Variants in DENND4C observed in about 807,000 individuals in gnomAD.
DENND4C encodes the protein DENN domain containing 4C, also known as DENN domain-containing protein 4C.
A neutral mutation model predicts 203.0 loss-of-function variants in DENND4C; 108 were observed. The ratio of observed to expected loss-of-function variants is 0.53; its 90% CI spans 0.46 to 0.62. DENND4C has a LOEUF of 0.62. Ranked by LOEUF, DENND4C falls within the 20% of genes least tolerant of loss-of-function variation. The pLI is 0.00. For synonymous variants in DENND4C, 871 were observed against 792.4 expected (o/e 1.10, Z -1.67); for missense variants, 2,481 against 2,301.2 (o/e 1.08, Z -1.60).
chr9:19,351,680 G>T (rs777125662), intron 24 of DENND4C, among the ~76,000 whole-genome samples: 1 of 151,788 alleles, frequency 6.6e-6, no homozygotes, highest in Non-Finnish European at 1.5e-5. Flanking sequence ...GGCAGCGTGC[G>T]CCTGTAATCC....
intron 1 of DENND4C, among the ~76,000 whole-genome samples, chr9:19,242,401 A>G (rs1456543138): frequency 6.6e-6 from 1 of 152,200 alleles, no homozygotes; most frequent in East Asian, 1.9e-4. Flanking sequence ...GTTTTGTGTA[A>G]CTATAAGTTT....
intron 1 of DENND4C, among the ~76,000 whole-genome samples, chr9:19,235,193 G>T (rs2131348834): frequency 6.6e-6 from 1 of 151,932 alleles, no homozygotes; most frequent in African/African-American, 2.4e-5. Flanking sequence ...TTGAACTCCT[G>T]ACCTCAGGTG....
chr9:19,327,069 G>C (rs1050781072), intron 15 of DENND4C, among the ~76,000 whole-genome samples: 12 of 152,208 alleles, frequency 7.9e-5, no homozygotes, highest in African/African-American at 2.9e-4. Context: ...GACTGGATCA[G>C]AATGAGGAAT....
rs746655709 is a variant in DENND4C at position 19,316,524 on chromosome 9, T to G, written c.1588+7T>G. On this transcript the variant is annotated splice_region_variant and intron_variant, in intron 11 of 32. Transcript: ENST00000434457. ...TATCCCCAGCTGTCTTCAGGTAATG[T>G]GAGGGAAAAGGAATATTATTAATGA... The G allele has an allele frequency of 6.2e-7, 1 of 1,610,128 alleles. No homozygotes were observed. Among genetic ancestry groups the G allele is most frequent in the South Asian group, 1.1e-5 (1 of 90,288 alleles).
chr9:19,309,223 G>T (rs1305737355), intron 10 of DENND4C, among the ~76,000 whole-genome samples: 1 of 152,106 alleles, frequency 6.6e-6, no homozygotes, highest in African/African-American at 2.4e-5. Context: ...GGGAGTTTGA[G>T]ACCAGCCTGA....
chr9:19,314,730 A>G (rs916301938), intron 10 of DENND4C, among the ~76,000 whole-genome samples: 1 of 152,256 alleles, frequency 6.6e-6, no homozygotes, highest in East Asian at 1.9e-4. Context: ...CATTTCATTA[A>G]TAAAGGTACA....
chr9:19,330,066 A>G (rs992390371), intron 16 of DENND4C, among the ~76,000 whole-genome samples: 4 of 152,322 alleles, frequency 2.6e-5, no homozygotes, highest in Admixed American at 1.3e-4. Context: ...CTAATTTCAT[A>G]CAGTTCATAT....
chr9:19,339,883 G>A (rs765770525), intron 20 of DENND4C, among the ~76,000 whole-genome samples: 3 of 151,906 alleles, frequency 2.0e-5, no homozygotes, highest in Non-Finnish European at 2.9e-5. Context: ...TTATCAGTAT[G>A]GACTGATGTA....
chr9:19,319,286 TTG>T (rs1302797054), intron 12 of DENND4C, among the ~76,000 whole-genome samples: 3 of 145,714 alleles, frequency 2.1e-5, no homozygotes, highest in East Asian at 3.9e-4. Flanking sequence ...ATATAAACAT[TTG>T]TGTGTATATA....
At chr9:19,289,086 G>A (rs1050911882) in intron 4 of DENND4C, among the ~76,000 whole-genome samples, 3 of 152,270 alleles carry the variant, frequency 2.0e-5, no homozygotes, top group African/African-American at 4.8e-5. Flanking sequence ...TACTTGCCAT[G>A]AAAGGTGGAC....
rs530012263 is a variant in DENND4C at position 19,271,866 on chromosome 9, T to C, written c.-17-4292T>C. Among the ~76,000 whole-genome samples, 369 of 138,842 alleles carry C rather than the reference T, an allele frequency of 2.7e-3. 1 individual carries two copies. The highest frequency in any genetic ancestry group is 9.8e-3 in the African/African-American group (360 of 36,588). 91.1% of individuals were successfully genotyped at this position (138,842 alleles called of 152,430 possible). A position where few individuals can be genotyped will look rare whatever the true frequency, so the allele number is the denominator to read the frequency against. On this transcript the variant is annotated intron_variant, in intron 1 of 32. Transcript: ENST00000434457. ...CCTGGGCAAAAAGAGTGAAACTCTG[T>C]CTCAAAAAAAAAAAAAAAAAGAGAA...
chr9:19,272,966 T>G (rs550586187), intron 1 of DENND4C, among the ~76,000 whole-genome samples: 2,951 of 130,546 alleles, frequency 0.023, 29 homozygotes, highest in Non-Finnish European at 0.038. Flanking sequence ...TTTTTTTTTT[T>G]GAGATGGAGT....
At chr9:19,267,955 C>T (rs1470104530) in intron 1 of DENND4C, among the ~76,000 whole-genome samples, 1 of 152,088 alleles carries the variant, frequency 6.6e-6, no homozygotes, top group African/African-American at 2.4e-5. Context: ...TTGATAAGGA[C>T]TTTCTACTAC....
Position 19,300,250 on chromosome 9 carries a change from C to CT in DENND4C, c.1233dup (p.Val412CysfsTer4). 6.2e-7 allele frequency: 1 copy of CT among 1,612,824 alleles called. No individual in the cohort carries two copies. Among genetic ancestry groups the CT allele is most frequent in the Non-Finnish European group, 8.5e-7 (1 of 1,179,092 alleles). On this transcript the variant is annotated frameshift_variant, in exon 9 of 33. Transcript: ENST00000434457. LOFTEE classifies it high-confidence loss of function. ...CTGAGAATTGTGCAACACTGCTGCT[C>CT]TTTGTTTTACTTGAGAGTAAAATTC...
intron 4 of DENND4C, among the ~76,000 whole-genome samples, 198 bp from the exon 5 acceptor site, chr9:19,290,506 G>T (rs1432972546): frequency 6.6e-6 from 1 of 152,168 alleles, no homozygotes; most frequent in East Asian, 1.9e-4. Flanking sequence ...ATGTTACAAT[G>T]AACTGTAAAT....
chr9:19,288,641 T>G lies in DENND4C; in HGVS notation c.604T>G (p.Ser202Ala). The G allele has an allele frequency of 8.1e-7, 1 of 1,231,856 alleles. No homozygotes were observed. Among genetic ancestry groups the G allele is most frequent in the Non-Finnish European group, 1.0e-6 (1 of 987,790 alleles). The allele number at this position is 1,231,856 out of a possible 1,614,324, so 76.3% of individuals were successfully genotyped here. The change falls in exon 4 of 33, where the codon TCA becomes GCA. Residue 202 changes from serine to alanine, a missense_variant. By Grantham distance (99) the Ser-to-Ala change is moderately conservative. This residue lies in a region of DENND4C where 2,289 missense variants were observed against 2,113.3 expected (regional missense o/e 1.08). Coordinates refer to ENST00000434457, the MANE Select transcript of DENND4C (RefSeq NM_001330640.2). Reference protein sequence around the residue: ...FLCYKKSVPASNAIAYKAGLI... With the variant: ...FLCYKKSVPAANAIAYKAGLI... ...GTGTTATAAGAAGTCTGTACCTGCT[T>G]CAAATGCAATAGCATATAAGGCTGG...
chr9:19,288,763 T>C (rs931724107), intron 4 of DENND4C, 98 bp downstream of exon 4: 9 of 571,982 alleles, frequency 1.6e-5, no homozygotes, highest in Non-Finnish European at 2.3e-5. Flanking sequence ...ACATAGTTTG[T>C]AGAATTGATC....
intron 15 of DENND4C, among the ~76,000 whole-genome samples, chr9:19,327,204 A>G (rs2803126): frequency 0.18 from 27,082 of 152,034 alleles, 2,957 homozygotes; most frequent in Middle Eastern, 0.36. Flanking sequence ...GATAAAATCA[A>G]ATATGGAAAG....
intron 28 of DENND4C, among the ~76,000 whole-genome samples, chr9:19,359,775 A>C (rs1826088265): frequency 6.6e-6 from 1 of 152,200 alleles, no homozygotes; most frequent in South Asian, 2.1e-4. Flanking sequence ...TGAATTATAA[A>C]AATGCTATTT....
Sources: gnomAD v4.1 joint callset for allele counts (sites outside exome capture counted in the v4.1 genomes callset) on GRCh38, gnomAD v4.1.1 for gene constraint, gnomAD v4.1.1 regional missense constraint, MANE v1.5 for transcripts, NCBI Gene and HGNC (gene_info 2026-07-23, HGNC 2026-07-21) for gene names.